Variants in ECSIT observed in about 807,000 individuals in gnomAD.
The protein encoded by ECSIT is ECSIT signaling integrator.
ECSIT carries 29 observed loss-of-function variants against 36.8 expected under a neutral mutation model. The observed-to-expected ratio is 0.79, with a 90% CI of 0.59 to 1.08. The LOEUF (loss-of-function observed/expected upper bound fraction) is 1.08. ECSIT is among the 50% of genes least tolerant of loss of function. ECSIT has a pLI of 0.00. For missense variants in ECSIT, 542 were observed against 581.0 expected, an observed-to-expected ratio of 0.93 and a Z score of 0.69; for synonymous variants, 231 against 234.8, an observed-to-expected ratio of 0.98 and a Z score of 0.15.
At position 11,507,514 on chromosome 19, in the gene ECSIT, G is replaced by C. The variant is rs779422347; in HGVS notation, c.994C>G (p.Leu332Val). The C allele has an allele frequency of 9.3e-6, 15 of 1,614,080 alleles. No homozygotes were observed. The highest frequency in any genetic ancestry group is 1.3e-5 in the Non-Finnish European group (15 of 1,180,016). Reference protein sequence around the residue: ...EEWNLYYPMQLDLEYVRSGWD... With the variant: ...EEWNLYYPMQVDLEYVRSGWD... Reference sequence around the variant, plus strand: ...CCACTCCTCACATACTCCAGGTCCAGCTGCATCGGGTAGTAGAGGTTCCAC... The same window carrying C: ...CCACTCCTCACATACTCCAGGTCCACCTGCATCGGGTAGTAGAGGTTCCAC... Residue 332 changes from leucine (L) to valine (V), a missense_variant, in exon 7 of 8, where the codon CTG becomes GTG. Leu to Val is a conservative substitution (Grantham distance 32). Coordinates refer to ENST00000270517, the MANE Select transcript of ECSIT (RefSeq NM_016581.5).
At position 11,509,494 on chromosome 19, in the gene ECSIT, G is replaced by A. The variant is rs991412146; in HGVS notation, c.739-1446C>T. 1.2e-4 allele frequency among the ~76,000 whole-genome samples: 18 copies of A among 151,686 alleles called. 2 individuals are homozygous for A. The South Asian group carries it at 2.1e-3, about 18-fold the overall frequency. ...AAAAATTGAGATGAGCAGGCCGGGC[G>A]CAGTGGCTCATGCCTGTAATCCCAG... On this transcript the variant is annotated intron_variant, in intron 4 of 7. Transcript: ENST00000270517.
chr19:11,506,207 G>A lies in ECSIT; in HGVS notation c.1273C>T (p.Arg425Ter), dbSNP rs1296603082. The change falls in exon 8 of 8, where the codon CGA becomes TGA. Residue 425 changes from arginine to a stop codon, truncating the protein, a stop_gained. Coordinates refer to ENST00000270517, the MANE Select transcript of ECSIT (RefSeq NM_016581.5). LOFTEE classifies it high-confidence loss of function. ...GACTAGCTCTGGCCCTGCTGCTGTCGCTGCAGGTTGTCGTCTTCTTCCTGG... is the reference window on the plus strand; with the variant it reads ...GACTAGCTCTGGCCCTGCTGCTGTCACTGCAGGTTGTCGTCTTCTTCCTGG... ...DHQEEDDNLQ[R>*]QQQGQS The A allele has an allele frequency of 1.9e-6, 3 of 1,606,688 alleles. No individual in the cohort carries two copies. The highest frequency in any genetic ancestry group is 2.5e-6 in the Non-Finnish European group (3 of 1,179,912).
intron 4 of ECSIT, among the ~76,000 whole-genome samples, chr19:11,512,765 T>C (rs1344470048): frequency 6.6e-6 from 1 of 151,328 alleles, no homozygotes; most frequent in Non-Finnish European, 1.5e-5. Context: ...TGAGACCCTG[T>C]CTCTGAAAAA....
Position 11,519,342 on chromosome 19 carries a change from CAA to C in ECSIT, c.-23-151_-23-150del. On this transcript the variant is annotated intron_variant, in intron 1 of 7. Transcript: ENST00000270517. This position sits in a 1 kb window ranked among gnomAD's most constrained non-coding sequence, Gnocchi z 4.4. ...TTACCCAAGAAACAGGCTGATGACT[CAA>C]AGACTTTGTTCTTGGGACAGCACCC... is the stretch of plus-strand genomic sequence containing the variant. 1.5e-6 allele frequency: 1 copy of C among 678,860 alleles called. No homozygotes were observed. The highest frequency in any genetic ancestry group is 1.6e-5 in the South Asian group (1 of 62,042). 42.1% of individuals were successfully genotyped at this position (678,860 alleles called of 1,614,324 possible).
intron 2 of ECSIT, among the ~76,000 whole-genome samples, chr19:11,517,394 G>C (rs574631016): frequency 6.6e-6 from 1 of 152,024 alleles, no homozygotes; most frequent in African/African-American, 2.4e-5. Flanking sequence ...TCAGGAGTTT[G>C]AGACCAGCCT....
At chr19:11,528,942 G>A (rs778220082) in intron 1 of ECSIT, 120 bp downstream of exon 1, 1 of 152,282 alleles carries the variant, frequency 6.6e-6, no homozygotes, top group Non-Finnish European at 1.5e-5. Context: ...CACTACGAAA[G>A]GTCATGGCGC....
rs760745453 is a variant in ECSIT, at chr19:11,506,359, A to G, written c.1121T>C (p.Ile374Thr). 1 of 1,613,642 alleles carries G rather than the reference A, an allele frequency of 6.2e-7. No individual in the cohort carries two copies. The highest frequency in any genetic ancestry group is 2.2e-5 in the East Asian group (1 of 44,876). The change falls in exon 8 of 8, where the codon ATC (isoleucine) becomes ACC (threonine). Residue 374 changes from isoleucine to threonine, a missense_variant. Coordinates refer to ENST00000270517, the MANE Select transcript of ECSIT (RefSeq NM_016581.5). The stretch of plus-strand genomic sequence containing the variant: ...TGGGTTGGTCTCCTGCAGGCCCTGG[A>G]TCCACTTAGCCATCGTCGCCTGGTC... The part of the protein sequence containing the change: ...AHDQATMAKW[I>T]QGLQETNPTL...
At chr19:11,517,501 C>T (rs1041292573) in intron 2 of ECSIT, among the ~76,000 whole-genome samples, 2 of 151,898 alleles carry the variant, frequency 1.3e-5, no homozygotes, top group Admixed American at 1.3e-4. Flanking sequence ...GAGGCTGAGG[C>T]AGGAAAATCA....
chr19:11,506,580 G>A (rs1971747842), intron 7 of ECSIT, 152 bp from the exon 8 acceptor site: 2 of 1,103,824 alleles, frequency 1.8e-6, no homozygotes, highest in Non-Finnish European at 2.4e-6. Flanking sequence ...TGTCACCCAG[G>A]CTGGAGTGCA....
At chr19:11,520,613 C>A (rs1252495046) in intron 1 of ECSIT, among the ~76,000 whole-genome samples, 1 of 151,886 alleles carries the variant, frequency 6.6e-6, no homozygotes, top group Non-Finnish European at 1.5e-5. Context: ...TTTCCGGGCT[C>A]ACGATTCTCC....
At chr19:11,518,295 T>C (rs1972037157) in intron 2 of ECSIT, among the ~76,000 whole-genome samples, 1 of 151,994 alleles carries the variant, frequency 6.6e-6, no homozygotes, top group Non-Finnish European at 1.5e-5. Flanking sequence ...GGCGTGGTGA[T>C]GTGCACTTGT....
intron 1 of ECSIT, among the ~76,000 whole-genome samples, chr19:11,520,907 G>A (rs138649387): frequency 4.0e-5 from 6 of 151,666 alleles, no homozygotes; most frequent in African/African-American, 1.5e-4. Flanking sequence ...CCGGGTTCAA[G>A]TGATTCTCCT....
chr19:11,509,004 G>A (rs1242375993), intron 4 of ECSIT, among the ~76,000 whole-genome samples: 1 of 152,116 alleles, frequency 6.6e-6, no homozygotes, highest in Non-Finnish European at 1.5e-5. Flanking sequence ...GGACAGGGTG[G>A]GAAGGAATAC....
chr19:11,522,513 C>G lies in ECSIT; in HGVS notation c.-23-3320G>C, dbSNP rs1972126372. 3 of 924,138 alleles carry G rather than the reference C, an allele frequency of 3.2e-6. No individual in the cohort carries two copies. The Admixed American group carries it at 6.1e-5, about 19-fold the overall frequency. The allele number at this position is 924,138 out of a possible 1,614,324, so 57.2% of individuals were successfully genotyped here. On this transcript the variant is annotated intron_variant, in intron 1 of 7. Coordinates refer to ENST00000270517, the MANE Select transcript of ECSIT (RefSeq NM_016581.5). The stretch of plus-strand genomic sequence containing the variant: ...CCTTCTTCTAGGGGTAGGGCCCTCA[C>G]CCAGGTGTGCCCCACGTAAACTCAG...
chr19:11,520,286 C>T (rs767175394), intron 1 of ECSIT, among the ~76,000 whole-genome samples: 1 of 152,136 alleles, frequency 6.6e-6, no homozygotes, highest in Non-Finnish European at 1.5e-5. Flanking sequence ...ATTCCCATGC[C>T]TCAGCATCCC....
At chr19:11,516,695 A>G (rs1972006076) in intron 2 of ECSIT, among the ~76,000 whole-genome samples, 1 of 151,176 alleles carries the variant, frequency 6.6e-6, no homozygotes, top group African/African-American at 2.4e-5. Context: ...ACACACACAC[A>G]CACACACACA....
At chr19:11,507,617 C>T in intron 6 of ECSIT, 55 bp from the exon 7 acceptor site, 1 of 1,613,384 alleles carries the variant, frequency 6.2e-7, no homozygotes, top group South Asian at 1.1e-5. Context: ...CTCTCGGTCT[C>T]CCTCCTCCAG....
At chr19:11,514,321 G>T (rs889385788) in intron 2 of ECSIT, 100 bp from the exon 3 acceptor site, 19 of 1,127,592 alleles carry the variant, frequency 1.7e-5, no homozygotes, top group Non-Finnish European at 2.3e-5. Context: ...TGGCCTCCCT[G>T]AGGACTCGGA....
At chr19:11,509,675 C>A (rs1278959592) in intron 4 of ECSIT, among the ~76,000 whole-genome samples, 1 of 150,988 alleles carries the variant, frequency 6.6e-6, no homozygotes, top group African/African-American at 2.4e-5. Flanking sequence ...GGCTGAGGCA[C>A]AAGAATTGCT....
Sources: gnomAD v4.1 joint callset for allele counts (sites outside exome capture counted in the v4.1 genomes callset) on GRCh38, gnomAD v4.1.1 for gene constraint, Gnocchi (gnomAD v3.1) non-coding constraint, MANE v1.5 for transcripts, NCBI Gene and HGNC (gene_info 2026-07-23, HGNC 2026-07-21) for gene names.